The following NHLRC2 variants were observed in gnomAD, a reference collection of about 807,000 sequenced individuals.
NHLRC2 encodes NHL repeat containing 2, also known as NHL repeat-containing protein 2.
A neutral mutation model predicts 68.1 loss-of-function variants in NHLRC2; 33 were observed. The ratio of observed to expected loss-of-function variants is 0.48; its 90% CI spans 0.37 to 0.65. NHLRC2 has a LOEUF of 0.65. NHLRC2 is among the 30% of genes least tolerant of loss of function. The pLI is 0.00. For missense variants in NHLRC2, 761 were observed against 853.8 expected, an observed-to-expected ratio of 0.89 and a Z score of 1.35; for synonymous variants, 311 against 309.6, an observed-to-expected ratio of 1.00 and a Z score of -0.05.
chr10:113,871,670 T>G (rs777166077), intron 2 of NHLRC2, among the ~76,000 whole-genome samples: 2 of 152,192 alleles, frequency 1.3e-5, no homozygotes, highest in Non-Finnish European at 2.9e-5. Context: ...GTGTAAGTAA[T>G]TATATGTCAA....
chr10:113,879,148 G>T (rs190302701), intron 3 of NHLRC2, among the ~76,000 whole-genome samples: 2 of 152,234 alleles, frequency 1.3e-5, no homozygotes, highest in East Asian at 3.9e-4. Flanking sequence ...GTCTTCAGTG[G>T]TCCTCAGGAT....
At position 113,904,954 on chromosome 10, in the gene NHLRC2, T is replaced by C; in HGVS notation, c.1842T>C (p.Leu614=). The C allele has an allele frequency of 6.3e-7, 1 of 1,583,558 alleles. No homozygotes were observed. Among genetic ancestry groups the C allele is most frequent in the South Asian group, 1.2e-5 (1 of 85,672 alleles). The change falls in exon 10 of 11, where the codon CTT becomes CTC. Residue 614 remains leucine, a synonymous_variant. Coordinates refer to ENST00000369301, the MANE Select transcript of NHLRC2 (RefSeq NM_198514.4). ...TGACTGCGTGTGCTGGCCAGACTCTTCAGTTCAAACTCAGATTAGACCTCC... is the reference window on the plus strand; with the variant it reads ...TGACTGCGTGTGCTGGCCAGACTCTCCAGTTCAAACTCAGATTAGACCTCC... ...SPVTACAGQT[L]QFKLRLDLPS...
rs943018477 is a variant in NHLRC2, at chr10:113,876,260, GA to G, written c.332-254del. 5.5e-4 allele frequency among the ~76,000 whole-genome samples: 84 copies of G among 151,874 alleles called. 1 individual carries two copies. The highest frequency in any genetic ancestry group is 1.4e-3 in the African/African-American group (58 of 41,482). On this transcript the variant is annotated intron_variant, in intron 2 of 10. Coordinates refer to ENST00000369301, the MANE Select transcript of NHLRC2 (RefSeq NM_198514.4). ...TTTTTATAGCATTATCTAAATAAAAGAAAAAAAGTTTTAATCCTGCAATAGC... is the reference window on the plus strand; with the variant it reads ...TTTTTATAGCATTATCTAAATAAAAGAAAAAAGTTTTAATCCTGCAATAGC...
rs1375705563 is a variant in NHLRC2 at position 113,902,604 on chromosome 10, A to G, written c.1494+11A>G. On this transcript the variant is annotated intron_variant, in intron 8 of 10. Transcript: ENST00000369301. ...TCCTACAATCACAAGGTGAGTCGTG[A>G]CAGAATTATATAATATCTTGCTTTT... is the stretch of plus-strand genomic sequence containing the variant. The G allele has an allele frequency of 1.3e-6, 2 of 1,597,996 alleles. No homozygotes were observed. The highest frequency in any genetic ancestry group is 2.7e-5 in the African/African-American group (2 of 73,854).
intron 2 of NHLRC2, among the ~76,000 whole-genome samples, chr10:113,860,331 A>G (rs1186899182): frequency 2.0e-5 from 3 of 152,200 alleles, no homozygotes; most frequent in African/African-American, 7.2e-5. Context: ...ACTTCCTAGA[A>G]TGGATCCTTA....
chr10:113,863,000 G>T (rs1348801105), intron 2 of NHLRC2, among the ~76,000 whole-genome samples: 5 of 152,034 alleles, frequency 3.3e-5, no homozygotes, highest in African/African-American at 1.2e-4. Context: ...ATACATAGAT[G>T]ATATGATTAT....
chr10:113,906,048 G>T (rs1353803615), intron 10 of NHLRC2, among the ~76,000 whole-genome samples: 1 of 152,150 alleles, frequency 6.6e-6, no homozygotes, highest in African/African-American at 2.4e-5. Context: ...CCTTTTGTAG[G>T]TTCAGAGCAA....
chr10:113,911,921 C>G lies in NHLRC2; in HGVS notation c.*3385C>G, dbSNP rs765260057. 6.6e-6 allele frequency: 1 copy of G among 151,116 alleles called. No individual in the cohort carries two copies. The highest frequency in any genetic ancestry group is 1.5e-5 in the Non-Finnish European group (1 of 67,800). The allele number at this position is 151,116 out of a possible 1,614,324, so 9.4% of individuals were successfully genotyped here. Reference sequence around the variant, plus strand: ...GAGCAATCTGTTATTTTTAAAATCACGGTGGGGGGAAACCCATAAAGTTTA... The same window carrying G: ...GAGCAATCTGTTATTTTTAAAATCAGGGTGGGGGGAAACCCATAAAGTTTA... On this transcript the variant is annotated 3_prime_UTR_variant, in exon 11 of 11. Coordinates refer to ENST00000369301, the MANE Select transcript of NHLRC2 (RefSeq NM_198514.4).
At chr10:113,857,545 G>A (rs183521369) in intron 1 of NHLRC2, among the ~76,000 whole-genome samples, 21 of 152,070 alleles carry the variant, frequency 1.4e-4, no homozygotes, top group Admixed American at 3.9e-4. Context: ...CCCAAGTTTG[G>A]CTTTCAGTTG....
intron 1 of NHLRC2, 111 bp downstream of exon 1, chr10:113,855,161 G>A: frequency 2.1e-6 from 2 of 950,774 alleles, no homozygotes; most frequent in Non-Finnish European, 3.2e-6. Context: ...TGGCGCCCCG[G>A]GGAGTGGCCC....
At chr10:113,881,634 G>A (rs951215478) in intron 4 of NHLRC2, among the ~76,000 whole-genome samples, 3 of 151,506 alleles carry the variant, frequency 2.0e-5, no homozygotes, top group African/African-American at 7.3e-5. Context: ...ATTGTGATAC[G>A]TTTAATGCAT....
rs1168561724 is a variant in NHLRC2 at position 113,909,914 on chromosome 10, CATT to C, written c.*1379_*1381del. On this transcript the variant is annotated 3_prime_UTR_variant, in exon 11 of 11. Coordinates refer to ENST00000369301, the MANE Select transcript of NHLRC2 (RefSeq NM_198514.4). ...TTGAAGTGTAATCTTTTTTAAACAT[CATT>C]GTCTATTTTTAATTTTGTTTGAAAT... 2 of 152,072 alleles carry C rather than the reference CATT, an allele frequency of 1.3e-5. No homozygotes were observed. Among genetic ancestry groups the C allele is most frequent in the African/African-American group, 4.8e-5 (2 of 41,418 alleles). The allele number at this position is 152,072 out of a possible 1,614,324, so 9.4% of individuals were successfully genotyped here.
At chr10:113,883,155 A>G (rs1846050906) in intron 4 of NHLRC2, among the ~76,000 whole-genome samples, 1 of 151,824 alleles carries the variant, frequency 6.6e-6, no homozygotes, top group Admixed American at 6.6e-5. Flanking sequence ...GTCCCTTGCA[A>G]TTTGATAAGA....
In NHLRC2 at chr10:113,913,932, C is replaced by T. The variant is rs1417967445; in HGVS notation, c.*5396C>T. On this transcript the variant is annotated 3_prime_UTR_variant, in exon 11 of 11. Transcript: ENST00000369301. Reference sequence around the variant, plus strand: ...GTACAATCTCAGCTCACTGCAGGCTCCACCTACCGGGTTCAAGTGATCCTC... The same window carrying T: ...GTACAATCTCAGCTCACTGCAGGCTTCACCTACCGGGTTCAAGTGATCCTC... 6.7e-6 allele frequency: 1 copy of T among 149,030 alleles called. No homozygotes were observed. The highest frequency in any genetic ancestry group is 1.5e-5 in the Non-Finnish European group (1 of 67,584). The allele number at this position is 149,030 out of a possible 1,614,324, so 9.2% of individuals were successfully genotyped here.
At position 113,900,250 on chromosome 10, in the gene NHLRC2, C is replaced by T. The variant is rs1276754799; in HGVS notation, c.1140-1416C>T. ...ACTCAGAGTGGAACAAGACTAGAGA[C>T]AGAGATAAGAGATACCACTGAGGAG... On this transcript the variant is annotated intron_variant, in intron 6 of 10. Coordinates refer to ENST00000369301, the MANE Select transcript of NHLRC2 (RefSeq NM_198514.4). Among the ~76,000 whole-genome samples the T allele has an allele frequency of 7.2e-5, 11 of 152,260 alleles. No homozygotes were observed. In the East Asian group the frequency reaches 1.7e-3, roughly 24 times the overall value.
intron 6 of NHLRC2, 44 bp from the exon 7 acceptor site, chr10:113,901,622 A>G (rs759547124): frequency 8.1e-7 from 1 of 1,229,444 alleles, no homozygotes; most frequent in South Asian, 1.2e-5. Flanking sequence ...AATTGCACAC[A>G]ATATACCACA....
chr10:113,885,189 A>C (rs1267246359), intron 5 of NHLRC2, among the ~76,000 whole-genome samples: 1 of 151,958 alleles, frequency 6.6e-6, no homozygotes, highest in Non-Finnish European at 1.5e-5. Context: ...ATGCCAATTT[A>C]ATTATGATTC....
chr10:113,857,057 T>A (rs1314239723), intron 1 of NHLRC2, among the ~76,000 whole-genome samples: 2 of 152,184 alleles, frequency 1.3e-5, no homozygotes, highest in African/African-American at 2.4e-5. Context: ...GGATTATTAT[T>A]TGTATTGAAA....
rs1043095033 is a variant in NHLRC2, at chr10:113,909,143, T to G, written c.*607T>G. ...TTTTTAAAAGAGAGTTTTGATCTAT[T>G]TTTATTATAAATTATTTGTTATTTA... On this transcript the variant is annotated 3_prime_UTR_variant, in exon 11 of 11. Coordinates refer to ENST00000369301, the MANE Select transcript of NHLRC2 (RefSeq NM_198514.4). 2.0e-5 allele frequency: 3 copies of G among 152,250 alleles called. No individual in the cohort carries two copies. Among genetic ancestry groups the G allele is most frequent in the African/African-American group, 7.2e-5 (3 of 41,462 alleles). The allele number at this position is 152,250 out of a possible 1,614,324, so 9.4% of individuals were successfully genotyped here. A position where few individuals can be genotyped will look rare whatever the true frequency, so the allele number is the denominator to read the frequency against.
Sources: gnomAD v4.1 joint callset for allele counts (sites outside exome capture counted in the v4.1 genomes callset) on GRCh38, gnomAD v4.1.1 for gene constraint, MANE v1.5 for transcripts, NCBI Gene and HGNC (gene_info 2026-07-23, HGNC 2026-07-21) for gene names.